Variants in CNTNAP2 observed in about 807,000 individuals in gnomAD.
CNTNAP2 encodes contactin-associated protein-like 2.
In CNTNAP2, 98 loss-of-function variants were observed where a neutral mutation model predicts 155.2. The ratio of observed to expected loss-of-function variants is 0.63; its 90% CI spans 0.54 to 0.75. CNTNAP2 has a LOEUF of 0.75. Ranked by LOEUF, CNTNAP2 falls within the 30% of genes least tolerant of loss-of-function variation. The pLI is 0.00. For missense variants in CNTNAP2, 1,727 were observed against 1,688.1 expected (o/e 1.02, Z -0.40); for synonymous variants, 651 against 631.2 (o/e 1.03, Z -0.47).
chr7:148,015,854 C>A (rs557770258), intron 15 of CNTNAP2, among the ~76,000 whole-genome samples: 1 of 152,304 alleles, frequency 6.6e-6, no homozygotes, highest in Admixed American at 6.5e-5. Context: ...GATTTCAACA[C>A]TATTTTGTAG....
chr7:146,546,047 G>C (rs1798024843), intron 1 of CNTNAP2, among the ~76,000 whole-genome samples: 1 of 151,872 alleles, frequency 6.6e-6, no homozygotes, highest in Non-Finnish European at 1.5e-5. Flanking sequence ...GTGGCATTCA[G>C]AGAAGGCTTT....
chr7:146,408,927 A>C (rs1302210077), intron 1 of CNTNAP2, among the ~76,000 whole-genome samples: 4 of 152,130 alleles, frequency 2.6e-5, no homozygotes. Context: ...CCGAATTCAC[A>C]TGCCTTCATT....
chr7:148,084,030 A>G (rs1803670508), intron 15 of CNTNAP2, among the ~76,000 whole-genome samples: 1 of 152,226 alleles, frequency 6.6e-6, no homozygotes, highest in Non-Finnish European at 1.5e-5. Context: ...AAAATGTTAC[A>G]TTCTGATTTT....
intron 20 of CNTNAP2, among the ~76,000 whole-genome samples, chr7:148,261,962 A>G (rs1796570763): frequency 6.6e-6 from 1 of 152,188 alleles, no homozygotes; most frequent in Non-Finnish European, 1.5e-5. Context: ...TGCTCACCTT[A>G]AAAGCAAAAT....
chr7:148,164,849 T>C (rs1047016122), intron 17 of CNTNAP2, among the ~76,000 whole-genome samples: 1 of 151,816 alleles, frequency 6.6e-6, no homozygotes, highest in African/African-American at 2.4e-5. Flanking sequence ...GGTTTCACCA[T>C]GTTGGCCAGG....
chr7:146,222,575 T>TGC (rs958616233), intron 1 of CNTNAP2, among the ~76,000 whole-genome samples: 1 of 147,266 alleles, frequency 6.8e-6, no homozygotes, highest in South Asian at 2.2e-4. Context: ...TGTGTGTGTG[T>TGC]GCGTGCACAT....
At chr7:146,926,855 A>G (rs753596942) in intron 3 of CNTNAP2, among the ~76,000 whole-genome samples, 15 of 152,178 alleles carry the variant, frequency 9.9e-5, no homozygotes, top group Non-Finnish European at 1.6e-4. Context: ...AGATAAATAC[A>G]TTATCAAAAA....
chr7:146,866,918 A>T (rs1235245391), intron 3 of CNTNAP2, among the ~76,000 whole-genome samples: 1 of 152,152 alleles, frequency 6.6e-6, no homozygotes, highest in Non-Finnish European at 1.5e-5. Flanking sequence ...CTTCTAAAAC[A>T]TTGTAATATC....
intron 1 of CNTNAP2, among the ~76,000 whole-genome samples, chr7:146,705,154 G>A (rs957767143): frequency 6.6e-6 from 1 of 152,104 alleles, no homozygotes; most frequent in African/African-American, 2.4e-5. Context: ...GCTAAAAAGT[G>A]TTTAGGATGA....
intron 14 of CNTNAP2, among the ~76,000 whole-genome samples, chr7:147,906,991 T>C (rs1054428827): frequency 1.2e-4 from 18 of 152,160 alleles, no homozygotes; most frequent in Non-Finnish European, 2.2e-4. Context: ...CTCCTTTGCT[T>C]CCGTAAAGTT....
At chr7:147,555,262 A>T (rs909467864) in intron 11 of CNTNAP2, among the ~76,000 whole-genome samples, 6 of 152,242 alleles carry the variant, frequency 3.9e-5, no homozygotes, top group African/African-American at 1.4e-4. Flanking sequence ...AGACCATCCT[A>T]CACTGAACAA....
chr7:147,252,707 T>C (rs546392811), intron 8 of CNTNAP2, among the ~76,000 whole-genome samples: 1 of 152,256 alleles, frequency 6.6e-6, no homozygotes, highest in East Asian at 1.9e-4. Flanking sequence ...ACCAAACTCA[T>C]GGTAGATTGA....
At chr7:146,799,496 A>G (rs1802836140) in intron 2 of CNTNAP2, among the ~76,000 whole-genome samples, 1 of 152,240 alleles carries the variant, frequency 6.6e-6, no homozygotes, top group Admixed American at 6.5e-5. Context: ...CGAGTTTAGT[A>G]TCTTCTGAAT....
At chr7:147,320,891 A>G (rs1210854227) in intron 9 of CNTNAP2, among the ~76,000 whole-genome samples, 1 of 152,126 alleles carries the variant, frequency 6.6e-6, no homozygotes, top group Non-Finnish European at 1.5e-5. Context: ...CCTCCTGCTG[A>G]TACAAATTAG....
chr7:147,555,689 G>T (rs892530632), intron 11 of CNTNAP2, among the ~76,000 whole-genome samples: 8 of 152,184 alleles, frequency 5.3e-5, no homozygotes, highest in Non-Finnish European at 1.0e-4. Context: ...TTATGAGTAA[G>T]TTTCTCACAT....
At chr7:147,085,142 A>C (rs1262722461) in intron 4 of CNTNAP2, among the ~76,000 whole-genome samples, 3 of 152,148 alleles carry the variant, frequency 2.0e-5, no homozygotes, top group Non-Finnish European at 2.9e-5. Flanking sequence ...TAATTTTCTT[A>C]AGAAAAGTGT....
At chr7:147,759,474 T>C (rs12539340) in intron 13 of CNTNAP2, among the ~76,000 whole-genome samples, 1,715 of 152,316 alleles carry the variant, frequency 0.011, 100 homozygotes, top group Admixed American at 0.088. Context: ...CCATGTCTTA[T>C]CTGGAAGAAT....
At chr7:146,675,593 C>T (rs1221401429) in intron 1 of CNTNAP2, among the ~76,000 whole-genome samples, 1 of 152,150 alleles carries the variant, frequency 6.6e-6, no homozygotes, top group Non-Finnish European at 1.5e-5. Flanking sequence ...AAGTGAATGC[C>T]ATGTAGTACC....
chr7:146,476,142 C>A (rs10264191), intron 1 of CNTNAP2, among the ~76,000 whole-genome samples: 29,059 of 152,030 alleles, frequency 0.19, 4,065 homozygotes, highest in African/African-American at 0.4. Context: ...GTTTCAGATA[C>A]AGTAAAATAT....
Sources: allele counts gnomAD v4.1 joint callset (sites outside exome capture counted in the v4.1 genomes callset), GRCh38; gene constraint gnomAD v4.1.1; transcripts MANE v1.5; gene names NCBI Gene and HGNC (gene_info 2026-07-23, HGNC 2026-07-21).